NSUN7: variants seen among roughly 807,000 people sequenced by gnomAD.
The protein encoded by NSUN7 is protein NSUN7.
A neutral mutation model predicts 58.5 loss-of-function variants in NSUN7; 39 were observed. The ratio of observed to expected loss-of-function variants is 0.67; its 90% CI spans 0.52 to 0.87. The LOEUF is 0.87. Among genes scored for constraint, NSUN7 ranks in the 40% least tolerant of loss-of-function variants. The pLI, the probability that NSUN7 is intolerant of heterozygous loss-of-function variation, is 0.00. For synonymous variants in NSUN7, 278 were observed against 303.7 expected, an observed-to-expected ratio of 0.92 and a Z score of 0.88; for missense variants, 765 against 844.1, an observed-to-expected ratio of 0.91 and a Z score of 1.16.
At chr4:40,782,259 A>G (rs531058258) in intron 7 of NSUN7, among the ~76,000 whole-genome samples, 3 of 152,306 alleles carry the variant, frequency 2.0e-5, no homozygotes, top group South Asian at 4.1e-4. Context: ...CAAGACTTGT[A>G]CAATGAAAAA....
At chr4:40,766,097 G>A (rs1419649835) in intron 4 of NSUN7, among the ~76,000 whole-genome samples, 1 of 152,022 alleles carries the variant, frequency 6.6e-6, no homozygotes, top group Non-Finnish European at 1.5e-5. Context: ...TAATTGCCCT[G>A]GCCAGAACTT....
intron 9 of NSUN7, among the ~76,000 whole-genome samples, chr4:40,796,996 G>A (rs1317313943): frequency 1.3e-5 from 2 of 152,168 alleles, no homozygotes; most frequent in Non-Finnish European, 2.9e-5. Flanking sequence ...ACGGTCCTGT[G>A]AAGATCGCCA....
chr4:40,754,146 CTTT>C (rs375750265), intron 2 of NSUN7, among the ~76,000 whole-genome samples: 6 of 141,128 alleles, frequency 4.3e-5, no homozygotes, highest in Admixed American at 1.4e-4. Flanking sequence ...TGCTATTTTC[CTTT>C]TTTTTTTTTT....
At chr4:40,756,848 A>T (rs1240967126) in intron 2 of NSUN7, among the ~76,000 whole-genome samples, 1 of 148,508 alleles carries the variant, frequency 6.7e-6, no homozygotes, top group African/African-American at 2.6e-5. Flanking sequence ...ATGATGTAAA[A>T]GCTATACACA....
chr4:40,785,152 C>G (rs1295335859), intron 7 of NSUN7, among the ~76,000 whole-genome samples: 1 of 151,576 alleles, frequency 6.6e-6, no homozygotes, highest in African/African-American at 2.4e-5. Flanking sequence ...CCTCCCACTT[C>G]AGCATCCCAA....
At chr4:40,763,766 T>G (rs564200909) in intron 4 of NSUN7, among the ~76,000 whole-genome samples, 9 of 152,330 alleles carry the variant, frequency 5.9e-5, no homozygotes, top group African/African-American at 1.9e-4. Context: ...TGCTACTACC[T>G]GCCTTAACAC....
intron 4 of NSUN7, among the ~76,000 whole-genome samples, chr4:40,768,516 TAGA>T (rs1176019182): frequency 6.6e-6 from 1 of 152,162 alleles, no homozygotes; most frequent in East Asian, 1.9e-4. Context: ...TAAGAGGTTA[TAGA>T]AGAAGAAGTA....
chr4:40,808,221 T>C, intron 11 of NSUN7, 86 bp from the exon 12 acceptor site: 2 of 1,440,676 alleles, frequency 1.4e-6, no homozygotes, highest in Non-Finnish European at 1.9e-6. Context: ...AGAGTCTTTT[T>C]ATTTTTACTG....
At chr4:40,752,976 A>G (rs546799334) in intron 2 of NSUN7, among the ~76,000 whole-genome samples, 3 of 152,158 alleles carry the variant, frequency 2.0e-5, no homozygotes, top group Admixed American at 6.5e-5. Context: ...ATTTCATGCA[A>G]TGAATCAAAT....
At chr4:40,797,373 C>T (rs745883873) in intron 9 of NSUN7, among the ~76,000 whole-genome samples, 8 of 152,174 alleles carry the variant, frequency 5.3e-5, no homozygotes, top group Non-Finnish European at 8.8e-5. Flanking sequence ...TTTCCAGCTG[C>T]CTTCTTGACA....
rs1047476243 is a variant in NSUN7, at chr4:40,749,956, G to C, written c.-436G>C. 6.6e-6 allele frequency: 1 copy of C among 152,056 alleles called. No individual in the cohort carries two copies. The highest frequency in any genetic ancestry group is 1.5e-5 in the Non-Finnish European group (1 of 68,036). The allele number at this position is 152,056 out of a possible 1,614,324, so 9.4% of individuals were successfully genotyped here. The stretch of plus-strand genomic sequence containing the variant: ...GCCATGAAGACCCGGTCCGGGAGCA[G>C]TCGACTGCCGGAGACTCGGGAGGCT... On this transcript the variant is annotated 5_prime_UTR_variant, in exon 1 of 12. Transcript: ENST00000381782.
At chr4:40,779,236 C>G (rs1221292564) in intron 7 of NSUN7, among the ~76,000 whole-genome samples, 1 of 152,022 alleles carries the variant, frequency 6.6e-6, no homozygotes, top group East Asian at 1.9e-4. Flanking sequence ...GTGGGAGGAC[C>G]ACTTGAGCCC....
chr4:40,757,189 A>G (rs993451916), intron 2 of NSUN7, among the ~76,000 whole-genome samples: 2 of 152,172 alleles, frequency 1.3e-5, no homozygotes, highest in African/African-American at 4.8e-5. Flanking sequence ...AGATTGCACC[A>G]CTGCACTCCA....
At chr4:40,764,064 T>A (rs192861389) in intron 4 of NSUN7, among the ~76,000 whole-genome samples, 12 of 151,760 alleles carry the variant, frequency 7.9e-5, no homozygotes, top group African/African-American at 2.4e-4. Flanking sequence ...TTTAATTTTT[T>A]AATTTTTTAA....
At chr4:40,799,020 A>T in intron 10 of NSUN7, 116 bp downstream of exon 10, 1 of 290,660 alleles carries the variant, frequency 3.4e-6, no homozygotes, top group East Asian at 7.1e-5. Context: ...CTTTAGTATG[A>T]TAAAATTGCC....
At chr4:40,794,705 C>A (rs1743242525) in intron 9 of NSUN7, among the ~76,000 whole-genome samples, 1 of 152,162 alleles carries the variant, frequency 6.6e-6, no homozygotes, top group Non-Finnish European at 1.5e-5. Context: ...GCATAATTTA[C>A]CAATTTTGTA....
At chr4:40,801,510 T>C (rs1436222380) in intron 10 of NSUN7, among the ~76,000 whole-genome samples, 3 of 152,228 alleles carry the variant, frequency 2.0e-5, no homozygotes, top group Admixed American at 2.0e-4. Context: ...ACATGTCTTA[T>C]TATATATTAG....
chr4:40,774,191 T>G, intron 4 of NSUN7, 74 bp from the exon 5 acceptor site: 1 of 1,295,534 alleles, frequency 7.7e-7, no homozygotes, highest in East Asian at 2.3e-5. Flanking sequence ...AATGTAATTT[T>G]TTAGAGTTTC....
chr4:40,760,365 T>C, intron 2 of NSUN7, 69 bp from the exon 3 acceptor site: 3 of 1,098,726 alleles, frequency 2.7e-6, no homozygotes, highest in Non-Finnish European at 4.2e-6. Flanking sequence ...TATTACAGTG[T>C]ATTTTGATTC....
Sources: allele counts gnomAD v4.1 joint callset (sites outside exome capture counted in the v4.1 genomes callset), GRCh38; gene constraint gnomAD v4.1.1; transcripts MANE v1.5; gene names NCBI Gene and HGNC (gene_info 2026-07-23, HGNC 2026-07-21).